Variants in INPP5F observed in about 807,000 individuals in gnomAD.
INPP5F encodes the protein inositol polyphosphate-5-phosphatase F, also known as phosphatidylinositide 4-phosphatase SAC2.
Under a neutral mutation model 137.2 loss-of-function variants are expected in INPP5F, and 97 were observed. That is an observed-to-expected ratio of 0.71 (90% CI 0.60 to 0.84). The LOEUF (loss-of-function observed/expected upper bound fraction) is 0.84. Among genes scored for constraint, INPP5F ranks in the 40% least tolerant of loss-of-function variants. The pLI, the probability that INPP5F is intolerant of heterozygous loss-of-function variation, is 0.00. For missense variants in INPP5F, 1,271 were observed against 1,371.9 expected (o/e 0.93, Z 1.16); for synonymous variants, 504 against 476.9 (o/e 1.06, Z -0.74).
intron 15 of INPP5F, among the ~76,000 whole-genome samples, chr10:119,816,854 C>A (rs1253132790): frequency 6.6e-6 from 1 of 152,138 alleles, no homozygotes; most frequent in African/African-American, 2.4e-5. Flanking sequence ...ACATATAATT[C>A]ATATACCATA....
chr10:119,790,749 C>T (rs896961610), intron 3 of INPP5F, among the ~76,000 whole-genome samples: 1 of 152,188 alleles, frequency 6.6e-6, no homozygotes, highest in Non-Finnish European at 1.5e-5. Context: ...TTTGTGTGTA[C>T]ATTTCAGAAT....
At chr10:119,752,405 A>G (rs1326377778) in intron 2 of INPP5F, among the ~76,000 whole-genome samples, 1 of 152,006 alleles carries the variant, frequency 6.6e-6, no homozygotes, top group Admixed American at 6.6e-5. Flanking sequence ...ACCAACATGG[A>G]GAAACCCTGT....
intron 6 of INPP5F, among the ~76,000 whole-genome samples, chr10:119,794,745 G>A: frequency 7.3e-6 from 1 of 136,072 alleles, no homozygotes; most frequent in Non-Finnish European, 1.6e-5. Context: ...AGGTGGGGGG[G>A]CTGACCCCCC....
intron 1 of INPP5F, among the ~76,000 whole-genome samples, chr10:119,745,032 CTG>C (rs1848490836): frequency 6.6e-6 from 1 of 151,418 alleles, no homozygotes; most frequent in South Asian, 2.1e-4. Flanking sequence ...ATTTTCTTGA[CTG>C]GATGATGCAT....
intron 2 of INPP5F, among the ~76,000 whole-genome samples, chr10:119,765,651 G>C (rs1182912677): frequency 2.0e-5 from 3 of 150,566 alleles, no homozygotes; most frequent in African/African-American, 7.4e-5. Context: ...CAAAGTGCTG[G>C]GATTACGGGT....
At chr10:119,796,561 A>G (rs1422305118) in intron 6 of INPP5F, among the ~76,000 whole-genome samples, 154 bp from the exon 7 acceptor site, 1 of 152,206 alleles carries the variant, frequency 6.6e-6, no homozygotes, top group Non-Finnish European at 1.5e-5. Context: ...TCCGTTCCTT[A>G]CGTGGTGTTC....
intron 2 of INPP5F, among the ~76,000 whole-genome samples, chr10:119,767,307 G>T (rs1849203753): frequency 6.6e-6 from 1 of 151,974 alleles, no homozygotes; most frequent in East Asian, 1.9e-4. Flanking sequence ...AGTAACAATG[G>T]GGAGTTAGAG....
chr10:119,745,845 C>T (rs929305039), intron 1 of INPP5F, among the ~76,000 whole-genome samples: 1 of 151,574 alleles, frequency 6.6e-6, no homozygotes, highest in African/African-American at 2.4e-5. Context: ...GCTGGGATTA[C>T]AGGTATGCGC....
At chr10:119,776,537 T>A (rs946350982) in intron 2 of INPP5F, among the ~76,000 whole-genome samples, 1 of 152,158 alleles carries the variant, frequency 6.6e-6, no homozygotes, top group Non-Finnish European at 1.5e-5. Context: ...GGAAAGATAC[T>A]ATATTTGATA....
intron 2 of INPP5F, among the ~76,000 whole-genome samples, chr10:119,773,404 T>TG (rs1284189877): frequency 1.3e-5 from 2 of 152,164 alleles, no homozygotes; most frequent in African/African-American, 4.8e-5. Context: ...GTTTGTTACA[T>TG]GAGTATATTG....
intron 1 of INPP5F, among the ~76,000 whole-genome samples, chr10:119,729,318 G>T (rs1259666574): frequency 6.6e-6 from 1 of 151,628 alleles, no homozygotes; most frequent in Non-Finnish European, 1.5e-5. Flanking sequence ...GCTAATTTTT[G>T]TATTTTTTGT....
intron 2 of INPP5F, among the ~76,000 whole-genome samples, chr10:119,771,369 T>C (rs571455644): frequency 2.2e-4 from 33 of 151,922 alleles, no homozygotes; most frequent in Non-Finnish European, 4.3e-4. Flanking sequence ...TGATGGATGT[T>C]TGGGTTGTTT....
intron 6 of INPP5F, among the ~76,000 whole-genome samples, chr10:119,795,071 G>A: frequency 7.2e-6 from 1 of 139,646 alleles, no homozygotes; most frequent in Non-Finnish European, 1.6e-5. Flanking sequence ...TGGCCGGGCG[G>A]GGGGCTGACC....
At chr10:119,731,747 T>C (rs974357030) in intron 1 of INPP5F, among the ~76,000 whole-genome samples, 1 of 152,256 alleles carries the variant, frequency 6.6e-6, no homozygotes, top group Non-Finnish European at 1.5e-5. Flanking sequence ...TTAAATGGCT[T>C]ACAAAATCTT....
At chr10:119,734,651 T>A (rs1017591900) in intron 1 of INPP5F, among the ~76,000 whole-genome samples, 2 of 152,216 alleles carry the variant, frequency 1.3e-5, no homozygotes, top group African/African-American at 2.4e-5. Flanking sequence ...CAATCTGCTA[T>A]TGATTCAATA....
chr10:119,749,809 C>T (rs547367844), intron 1 of INPP5F, among the ~76,000 whole-genome samples: 2 of 152,136 alleles, frequency 1.3e-5, no homozygotes, highest in Non-Finnish European at 2.9e-5. Context: ...AAAACAGTAT[C>T]GCACTGTTGC....
At position 119,829,094 on chromosome 10, in the gene INPP5F, T is replaced by TA. The variant is rs1424942657; in HGVS notation, c.*1315dup. 6.6e-6 allele frequency: 1 copy of TA among 152,634 alleles called. No homozygotes were observed. Among genetic ancestry groups the TA allele is most frequent in the Non-Finnish European group, 1.5e-5 (1 of 68,032 alleles). 9.5% of individuals were successfully genotyped at this position (152,634 alleles called of 1,614,324 possible). ...ATTTATTAGTGCTATCTTTTTTTTT[T>TA]ACGTGTTAAATCTTGTGATTATTAA... On this transcript the variant is annotated 3_prime_UTR_variant, in exon 20 of 20. Coordinates refer to ENST00000650623, the MANE Select transcript of INPP5F (RefSeq NM_014937.4).
Position 119,742,040 on chromosome 10 carries a change from C to T in INPP5F, c.98-9036C>T, listed in dbSNP as rs576803690. 3.9e-5 allele frequency among the ~76,000 whole-genome samples: 6 copies of T among 152,192 alleles called. 1 individual carries two copies. Among genetic ancestry groups the T allele is most frequent in the African/African-American group, 1.2e-4 (5 of 41,526 alleles). On this transcript the variant is annotated intron_variant, in intron 1 of 19. Transcript: ENST00000650623. ...TTCCTCATGTTGGCCAGACTGGTCT[C>T]GAACTCCTGGCCTCAAGTTCTTCAG...
intron 16 of INPP5F, among the ~76,000 whole-genome samples, chr10:119,821,231 G>T (rs958285509): frequency 2.0e-5 from 3 of 152,042 alleles, no homozygotes; most frequent in Admixed American, 2.0e-4. Flanking sequence ...TAATGACCAC[G>T]TATCATTGTT....
Sources: allele counts gnomAD v4.1 joint callset (sites outside exome capture counted in the v4.1 genomes callset), GRCh38; gene constraint gnomAD v4.1.1; transcripts MANE v1.5; gene names NCBI Gene and HGNC (gene_info 2026-07-23, HGNC 2026-07-21).